The following ATXN3 variants were observed in gnomAD, a reference collection of about 807,000 sequenced individuals.
ATXN3 encodes the protein ataxin-3.
ATXN3 carries 28 observed loss-of-function variants against 58.2 expected under a neutral mutation model. The ratio of observed to expected loss-of-function variants is 0.48; its 90% CI spans 0.36 to 0.66. The LOEUF (loss-of-function observed/expected upper bound fraction) is 0.66. Ranked by LOEUF, ATXN3 falls within the 30% of genes least tolerant of loss-of-function variation. ATXN3 has a pLI of 0.00. For synonymous variants in ATXN3, 113 were observed against 138.5 expected, an observed-to-expected ratio of 0.82 and a Z score of 1.29; for missense variants, 321 against 422.1, an observed-to-expected ratio of 0.76 and a Z score of 2.10.
intron 10 of ATXN3, among the ~76,000 whole-genome samples, chr14:92,069,114 T>C (rs1406143173): frequency 2.0e-5 from 3 of 151,890 alleles, no homozygotes; most frequent in South Asian, 2.1e-4. Flanking sequence ...GTTTTGGTCT[T>C]GTCACCCAGG....
intron 3 of ATXN3, 99 bp downstream of exon 3, chr14:92,095,994 A>T: frequency 1.0e-6 from 1 of 985,996 alleles, no homozygotes; most frequent in Admixed American, 1.7e-5. Flanking sequence ...TGTAGACAGA[A>T]GAACTTCCGA....
rs530268223 is a variant in ATXN3 at position 92,067,133 on chromosome 14, G to T, written c.992-2719C>A. Among the ~76,000 whole-genome samples, 816 of 152,034 alleles carry T rather than the reference G, an allele frequency of 5.4e-3. 7 individuals carry two copies. The highest frequency in any genetic ancestry group is 0.018 in the African/African-American group (759 of 41,444). Reference sequence around the variant, plus strand: ...TGTACCCCTTCCTTCTGGCCTTTATGATCTCTGATGGGAAATCTGCTGTCA... The same window carrying T: ...TGTACCCCTTCCTTCTGGCCTTTATTATCTCTGATGGGAAATCTGCTGTCA... On this transcript the variant is annotated intron_variant, in intron 10 of 10. Transcript: ENST00000644486.
At chr14:92,047,261 C>T (rs924863340) in intron 2 of ATXN3, among the ~76,000 whole-genome samples, 2 of 152,222 alleles carry the variant, frequency 1.3e-5, no homozygotes, top group Non-Finnish European at 2.9e-5. Flanking sequence ...ATGGGTTGGG[C>T]ACCACAGGGT....
upstream of ATXN3, among the ~76,000 whole-genome samples, chr14:92,053,519 T>A (rs1164513515): frequency 1.3e-5 from 2 of 150,086 alleles, no homozygotes; most frequent in African/African-American, 4.9e-5. Flanking sequence ...TTATTTGAGA[T>A]GGGGTCTCAC....
chr14:92,093,719 T>C, intron 4 of ATXN3, 27 bp downstream of exon 4: 1 of 1,476,038 alleles, frequency 6.8e-7, no homozygotes, highest in Non-Finnish European at 9.3e-7. Flanking sequence ...GGAAAAGAAA[T>C]GTATGAAATG....
At chr14:92,080,241 G>A (rs55834444) in intron 9 of ATXN3, among the ~76,000 whole-genome samples, 2,861 of 152,162 alleles carry the variant, frequency 0.019, 55 homozygotes, top group South Asian at 0.081. Context: ...TGCCTGAAGC[G>A]GCCATGAGCA....
Position 92,059,914 on chromosome 14 carries a change from A to T in ATXN3, c.*4406T>A, listed in dbSNP as rs2057639048. On this transcript the variant is annotated 3_prime_UTR_variant, in exon 11 of 11. Coordinates refer to ENST00000644486, the MANE Select transcript of ATXN3 (RefSeq NM_004993.6). ...TTAAAAAAAAACAAACAAACCTTTA[A>T]GATGGAGTTTTACTCTTGTTGCCCA... The T allele has an allele frequency of 6.6e-6, 1 of 151,466 alleles. No individual in the cohort carries two copies. Among genetic ancestry groups the T allele is most frequent in the African/African-American group, 2.4e-5 (1 of 41,316 alleles). 9.4% of individuals were successfully genotyped at this position (151,466 alleles called of 1,614,324 possible). A position where few individuals can be genotyped will look rare whatever the true frequency, so the allele number is the denominator to read the frequency against.
At chr14:92,099,597 G>A (rs577619606) in intron 1 of ATXN3, among the ~76,000 whole-genome samples, 8 of 152,176 alleles carry the variant, frequency 5.3e-5, no homozygotes, top group Non-Finnish European at 8.8e-5. Flanking sequence ...GGCTGGCTGC[G>A]GTGGCTCATG....
exon 1 of ATXN3, chr14:92,049,659 G>A (rs544545997): frequency 5.5e-5 from 10 of 182,468 alleles, no homozygotes; most frequent in African/African-American, 7.1e-5. Flanking sequence ...ACCCGAGGTC[G>A]TAGGTGGATC....
chr14:92,080,702 T>C (rs931618694), intron 9 of ATXN3: 8 of 399,362 alleles, frequency 2.0e-5, no homozygotes, highest in African/African-American at 1.7e-4. Flanking sequence ...CCCAGCTGAT[T>C]CTTTTGTATT....
intron 9 of ATXN3, among the ~76,000 whole-genome samples, chr14:92,076,515 A>T (rs189253199): frequency 6.6e-6 from 1 of 151,108 alleles, no homozygotes; most frequent in Admixed American, 6.6e-5. Context: ...TCCAGTTTTT[A>T]AAAAATTTTA....
rs1485492302 is a variant in ATXN3, at chr14:92,063,314, A to G, written c.*1006T>C. 2 of 152,372 alleles carry G rather than the reference A, an allele frequency of 1.3e-5. No individual in the cohort carries two copies. Among genetic ancestry groups the G allele is most frequent in the African/African-American group, 4.8e-5 (2 of 41,462 alleles). The allele number at this position is 152,372 out of a possible 1,614,324, so 9.4% of individuals were successfully genotyped here. A position where few individuals can be genotyped will look rare whatever the true frequency, so the allele number is the denominator to read the frequency against. On this transcript the variant is annotated 3_prime_UTR_variant, in exon 11 of 11. Coordinates refer to ENST00000644486, the MANE Select transcript of ATXN3 (RefSeq NM_004993.6). Reference sequence around the variant, plus strand: ...ATGACTCAACTGTAAAGAGAACACAAAGCTCCAGTCATAGGAGAAAAAATA... The same window carrying G: ...ATGACTCAACTGTAAAGAGAACACAGAGCTCCAGTCATAGGAGAAAAAATA...
At position 92,102,262 on chromosome 14, in the gene ATXN3, A is replaced by G. The variant is rs181674698; in HGVS notation, c.24+4267T>C. Among the ~76,000 whole-genome samples the G allele has an allele frequency of 5.3e-3, 803 of 151,798 alleles. 19 individuals carry two copies. The highest frequency in any genetic ancestry group is 0.05 in the Admixed American group (753 of 15,170). On this transcript the variant is annotated intron_variant, in intron 1 of 10. Coordinates refer to ENST00000644486, the MANE Select transcript of ATXN3 (RefSeq NM_004993.6). ...GGAAGGAAAGAAAGAAAGAAAAGGA[A>G]GAAAGGAAGAAAGGAGGGAGGGAGG...
chr14:92,074,624 C>A (rs2140456246), intron 9 of ATXN3, among the ~76,000 whole-genome samples: 1 of 152,310 alleles, frequency 6.6e-6, no homozygotes, highest in South Asian at 2.1e-4. Context: ...ACTGTGGAGG[C>A]CTGGCTAAGA....
At chr14:92,093,565 A>C in intron 4 of ATXN3, 181 bp downstream of exon 4, 1 of 646,876 alleles carries the variant, frequency 1.5e-6, no homozygotes, top group East Asian at 2.8e-5. Flanking sequence ...CTGGGGTGCC[A>C]GGAAGGCTAC....
At position 92,059,036 on chromosome 14, in the gene ATXN3, C is replaced by T. The variant is rs1295070488; in HGVS notation, c.*5284G>A. On this transcript the variant is annotated 3_prime_UTR_variant, in exon 11 of 11. Transcript: ENST00000644486. ...AGCTTCCTAAATGCATCAGGAATAT[C>T]CATTTATATTTTACTAATGTTTCTC... 6.6e-6 allele frequency: 1 copy of T among 151,472 alleles called. No individual in the cohort carries two copies. The highest frequency in any genetic ancestry group is 1.5e-5 in the Non-Finnish European group (1 of 67,968). 9.4% of individuals were successfully genotyped at this position (151,472 alleles called of 1,614,324 possible). A position where few individuals can be genotyped will look rare whatever the true frequency, so the allele number is the denominator to read the frequency against.
At chr14:92,081,129 G>A in intron 8 of ATXN3, 68 bp from the exon 9 acceptor site, 5 of 1,087,344 alleles carry the variant, frequency 4.6e-6, no homozygotes, top group Non-Finnish European at 5.6e-6. Context: ...CAATATGTTT[G>A]TTTATACTCA....
chr14:92,057,906 CTT>C (rs992919614), downstream of ATXN3, among the ~76,000 whole-genome samples: 1 of 152,004 alleles, frequency 6.6e-6, no homozygotes, highest in African/African-American at 2.4e-5. Flanking sequence ...GATGGGGTCT[CTT>C]TATGTTGCCC....
At chr14:92,053,621 C>T (rs371675286), downstream of ATXN3, among the ~76,000 whole-genome samples, 38 of 151,888 alleles carry the variant, frequency 2.5e-4, no homozygotes, top group East Asian at 5.3e-3. Flanking sequence ...CTCAGCCTCC[C>T]GAATAGCTGG....
Sources: allele counts gnomAD v4.1 joint callset (sites outside exome capture counted in the v4.1 genomes callset), GRCh38; gene constraint gnomAD v4.1.1; transcripts MANE v1.5; gene names NCBI Gene and HGNC (gene_info 2026-07-23, HGNC 2026-07-21).